RTN4IP1: variants seen among roughly 807,000 people sequenced by gnomAD.
RTN4IP1 encodes NAD(P)H oxidoreductase RTN4IP1, mitochondrial.
A neutral mutation model predicts 46.6 loss-of-function variants in RTN4IP1; 32 were observed. The ratio of observed to expected loss-of-function variants is 0.69; its 90% CI spans 0.52 to 0.92. The LOEUF (loss-of-function observed/expected upper bound fraction) is 0.92, where lower values mean the gene tolerates loss of function less well. Among genes scored for constraint, RTN4IP1 ranks in the 40% least tolerant of loss-of-function variants. The pLI, the probability that RTN4IP1 is intolerant of heterozygous loss-of-function variation, is 0.00. For missense variants in RTN4IP1, 424 were observed against 485.8 expected, an observed-to-expected ratio of 0.87 and a Z score of 1.20; for synonymous variants, 167 against 161.8, an observed-to-expected ratio of 1.03 and a Z score of -0.24.
At chr6:106,574,881 A>T (rs1414816591) in intron 8 of RTN4IP1, among the ~76,000 whole-genome samples, 1 of 152,220 alleles carries the variant, frequency 6.6e-6, no homozygotes, top group Non-Finnish European at 1.5e-5. Context: ...GCCCACTTTA[A>T]TCTGGCTGGT....
chr6:106,606,635 G>A (rs186145732), intron 4 of RTN4IP1, among the ~76,000 whole-genome samples: 23 of 151,896 alleles, frequency 1.5e-4, no homozygotes, highest in Admixed American at 1.1e-3. Context: ...GGCTAGGCAC[G>A]GTGGCTCACA....
intron 4 of RTN4IP1, among the ~76,000 whole-genome samples, chr6:106,606,221 A>C (rs1280337405): frequency 6.6e-6 from 1 of 152,174 alleles, no homozygotes; most frequent in Non-Finnish European, 1.5e-5. Flanking sequence ...CAGGAGTTCA[A>C]GACCAGCCTG....
At chr6:106,598,857 T>A (rs1466538140) in intron 5 of RTN4IP1, among the ~76,000 whole-genome samples, 1 of 151,988 alleles carries the variant, frequency 6.6e-6, no homozygotes, top group Non-Finnish European at 1.5e-5. Flanking sequence ...TTAATCCATC[T>A]TGAATTGATT....
intron 5 of RTN4IP1, among the ~76,000 whole-genome samples, chr6:106,595,237 T>C (rs1301377766): frequency 6.6e-6 from 1 of 152,078 alleles, no homozygotes; most frequent in African/African-American, 2.4e-5. Context: ...CACGGGACAG[T>C]TCCACACGTC....
At chr6:106,589,472 G>C (rs995796797) in intron 6 of RTN4IP1, among the ~76,000 whole-genome samples, 1 of 151,688 alleles carries the variant, frequency 6.6e-6, no homozygotes, top group African/African-American at 2.4e-5. Context: ...CAAATCTGAG[G>C]ATACTTAACT....
chr6:106,619,258 G>A lies in RTN4IP1; in HGVS notation c.564C>T (p.Ala188=). Residue 188 remains alanine, a synonymous_variant, in exon 4 of 9, where the codon GCC becomes GCT. Coordinates refer to ENST00000369063, the MANE Select transcript of RTN4IP1 (RefSeq NM_032730.5). ...CACCAACTTTGTTTATAGCAGACCA[G>A]GCTGTGAGAGCCACATATGGCAAAG... The part of the protein sequence containing the change: ...AASLPYVALT[A]WSAINKVGGL... 1 of 1,614,212 alleles carries A rather than the reference G, an allele frequency of 6.2e-7. No individual in the cohort carries two copies. Among genetic ancestry groups the A allele is most frequent in the Non-Finnish European group, 8.5e-7 (1 of 1,180,026 alleles).
intron 6 of RTN4IP1, among the ~76,000 whole-genome samples, chr6:106,588,174 A>G (rs115948387): frequency 1.2e-3 from 189 of 152,190 alleles, no homozygotes; most frequent in African/African-American, 4.4e-3. Flanking sequence ...TTGGCTCACT[A>G]CAATGCACAG....
rs138882086 is a variant in RTN4IP1 at position 106,611,346 on chromosome 6, T to C, written c.620+7856A>G. Reference sequence around the variant, plus strand: ...TGTTTCTCCACCTTTGAAACAGACATATATGGCCTTCAAAATTGCCCCAGA... The same window carrying C: ...TGTTTCTCCACCTTTGAAACAGACACATATGGCCTTCAAAATTGCCCCAGA... On this transcript the variant is annotated intron_variant, in intron 4 of 8. Coordinates refer to ENST00000369063, the MANE Select transcript of RTN4IP1 (RefSeq NM_032730.5). Among the ~76,000 whole-genome samples the C allele has an allele frequency of 4.2e-3, 637 of 152,300 alleles. 22 individuals carry two copies. Among genetic ancestry groups the C allele is most frequent in the Admixed American group, 0.039 (600 of 15,292 alleles).
At chr6:106,628,011 T>C (rs1336858670) in intron 1 of RTN4IP1, among the ~76,000 whole-genome samples, 2 of 142,880 alleles carry the variant, frequency 1.4e-5, no homozygotes, top group Non-Finnish European at 3.0e-5. Context: ...GAGGTTGCAG[T>C]GAGCCAGGAA....
chr6:106,594,926 C>G (rs932204704), intron 5 of RTN4IP1, among the ~76,000 whole-genome samples: 1 of 152,028 alleles, frequency 6.6e-6, no homozygotes, highest in African/African-American at 2.4e-5. Context: ...CTCAGCCTCC[C>G]GAGTAGCTGG....
intron 4 of RTN4IP1, among the ~76,000 whole-genome samples, chr6:106,604,506 G>A (rs550855868): frequency 4.6e-5 from 7 of 152,140 alleles, no homozygotes; most frequent in African/African-American, 1.2e-4. Flanking sequence ...TCCCGGCCAC[G>A]GTCTCTCATC....
In RTN4IP1 at chr6:106,629,288, C is replaced by A. The variant is rs1279441124; in HGVS notation, c.-267G>T. 1.9e-6 allele frequency: 1 copy of A among 539,080 alleles called. No homozygotes were observed. Among genetic ancestry groups the A allele is most frequent in the Non-Finnish European group, 3.3e-6 (1 of 306,662 alleles). The allele number at this position is 539,080 out of a possible 1,614,324, so 33.4% of individuals were successfully genotyped here. On this transcript the variant is annotated 5_prime_UTR_variant, in exon 1 of 9. Coordinates refer to ENST00000369063, the MANE Select transcript of RTN4IP1 (RefSeq NM_032730.5). ...TTCTCCTCCCTCACTTTCACCCCCT[C>A]CACTTTAAAAAAAAAAGGGGGGGCG...
upstream of RTN4IP1, chr6:106,629,840 T>G (rs1718610909): frequency 3.8e-6 from 4 of 1,061,932 alleles, no homozygotes; most frequent in Non-Finnish European, 5.5e-6. Context: ...GGGGGATAAG[T>G]ACCTTTCGAT....
intron 4 of RTN4IP1, among the ~76,000 whole-genome samples, chr6:106,612,896 C>T (rs531760416): frequency 7.3e-4 from 111 of 152,302 alleles, no homozygotes; most frequent in Non-Finnish European, 1.3e-4. Context: ...ATAAGAACCC[C>T]TTCCCCTCCC....
chr6:106,588,728 C>T (rs1471685972), intron 6 of RTN4IP1, among the ~76,000 whole-genome samples: 1 of 152,146 alleles, frequency 6.6e-6, no homozygotes, highest in African/African-American at 2.4e-5. Context: ...TCTTTTCTCC[C>T]AAATTCATCT....
chr6:106,611,515 T>C (rs1352878213), intron 4 of RTN4IP1, among the ~76,000 whole-genome samples: 2 of 152,194 alleles, frequency 1.3e-5, no homozygotes, highest in Non-Finnish European at 1.5e-5. Context: ...ATGCTGAAAA[T>C]GTATCTCATC....
chr6:106,598,238 AT>A (rs1224535788), intron 5 of RTN4IP1, among the ~76,000 whole-genome samples: 1 of 152,122 alleles, frequency 6.6e-6, no homozygotes, highest in Admixed American at 6.5e-5. Flanking sequence ...GTCAAATGGT[AT>A]TTCTAGCTCT....
intron 1 of RTN4IP1, among the ~76,000 whole-genome samples, chr6:106,624,345 C>A (rs763504749): frequency 6.6e-6 from 1 of 152,004 alleles, no homozygotes; most frequent in Non-Finnish European, 1.5e-5. Context: ...TAAGCCACTG[C>A]ACCCGGCCTA....
chr6:106,609,946 CTGTTAGCT>C (rs1316012401), intron 4 of RTN4IP1, among the ~76,000 whole-genome samples: 1 of 152,232 alleles, frequency 6.6e-6, no homozygotes, highest in Non-Finnish European at 1.5e-5. Flanking sequence ...GAATGAAGCG[CTGTTAGCT>C]TGTAAAGGAG....
Sources: allele counts gnomAD v4.1 joint callset (sites outside exome capture counted in the v4.1 genomes callset), GRCh38; gene constraint gnomAD v4.1.1; transcripts MANE v1.5; gene names NCBI Gene and HGNC (gene_info 2026-07-23, HGNC 2026-07-21).